Variants in DGKH observed in about 807,000 individuals in gnomAD.
The protein encoded by DGKH is DAG kinase eta.
Under a neutral mutation model 159.3 loss-of-function variants are expected in DGKH, and 90 were observed. That is an observed-to-expected ratio of 0.57 (90% CI 0.48 to 0.67). DGKH has a LOEUF of 0.67. DGKH is among the 30% of genes least tolerant of loss of function. DGKH has a pLI of 0.00. For synonymous variants in DGKH, 536 were observed against 553.8 expected (o/e 0.97, Z 0.45); for missense variants, 1,181 against 1,506.1 (o/e 0.78, Z 3.57).
intron 29 of DGKH, among the ~76,000 whole-genome samples, chr13:42,226,591 C>A (rs150197771): frequency 0.037 from 5,684 of 152,084 alleles, 322 homozygotes; most frequent in African/African-American, 0.13. Flanking sequence ...TGTGGTGGCT[C>A]AGGCCTGTAA....
At chr13:42,142,714 T>G (rs1211862380) in intron 3 of DGKH, among the ~76,000 whole-genome samples, 1 of 152,100 alleles carries the variant, frequency 6.6e-6, no homozygotes, top group Admixed American at 6.5e-5. Flanking sequence ...TATTGGTGTA[T>G]AAGAATGCTT....
chr13:42,172,259 G>T (rs182002610), intron 11 of DGKH, among the ~76,000 whole-genome samples: 116 of 151,006 alleles, frequency 7.7e-4, no homozygotes, highest in Non-Finnish European at 6.6e-4. Context: ...CTACAGGCGT[G>T]TGCCACCACA....
intron 13 of DGKH, among the ~76,000 whole-genome samples, chr13:42,183,445 T>G (rs1278305311): frequency 6.6e-6 from 1 of 152,186 alleles, no homozygotes; most frequent in African/African-American, 2.4e-5. Flanking sequence ...CAGACACACA[T>G]ACACACTTGT....
At chr13:42,174,761 G>A (rs973436846) in intron 12 of DGKH, among the ~76,000 whole-genome samples, 1 of 152,088 alleles carries the variant, frequency 6.6e-6, no homozygotes, top group Non-Finnish European at 1.5e-5. Flanking sequence ...GCTGGAATGC[G>A]ATGATGCAAA....
intron 29 of DGKH, among the ~76,000 whole-genome samples, chr13:42,226,836 G>A (rs1958145241): frequency 6.8e-6 from 1 of 146,898 alleles, no homozygotes; most frequent in Non-Finnish European, 1.5e-5. Context: ...CAGCCCAAGC[G>A]ACAGTATGAG....
upstream of DGKH, among the ~76,000 whole-genome samples, chr13:42,044,989 G>A (rs768351628): frequency 2.1e-4 from 32 of 152,188 alleles, 1 homozygote; most frequent in Non-Finnish European, 2.8e-4. Flanking sequence ...GGGGATGCTA[G>A]AGTACACTTA....
chr13:42,210,726 T>C lies in DGKH; in HGVS notation c.2975T>C (p.Met992Thr). The C allele has an allele frequency of 6.2e-7, 1 of 1,612,538 alleles. No homozygotes were observed. The highest frequency in any genetic ancestry group is 8.5e-7 in the Non-Finnish European group (1 of 1,179,958). ...IDLATEEVSQ[M>T]QLCSQAAEEL... Reference sequence around the variant, plus strand: ...TTGGCAACAGAAGAGGTGTCGCAGATGCAGCTATGCTCCCAGGCTGCAGAG... The same window carrying C: ...TTGGCAACAGAAGAGGTGTCGCAGACGCAGCTATGCTCCCAGGCTGCAGAG... The change falls in exon 24 of 30, where the codon ATG becomes ACG. Residue 992 changes from methionine (M) to threonine (T), a missense_variant. By Grantham distance (81) the Met-to-Thr change is moderately conservative. Coordinates refer to ENST00000337343, the MANE Select transcript of DGKH (RefSeq NM_178009.5).
At chr13:42,225,806 A>G (rs1958114155) in intron 29 of DGKH, among the ~76,000 whole-genome samples, 1 of 151,554 alleles carries the variant, frequency 6.6e-6, no homozygotes, top group Non-Finnish European at 1.5e-5. Flanking sequence ...AAAAATTAAT[A>G]TATAATGATA....
At chr13:42,228,676 A>G (rs1390486048) in intron 29 of DGKH, among the ~76,000 whole-genome samples, 2 of 57,066 alleles carry the variant, frequency 3.5e-5, no homozygotes, top group Non-Finnish European at 7.7e-5. Flanking sequence ...AGAGAAAGAA[A>G]GAGAAAAGAA....
At position 42,207,123 on chromosome 13, in the gene DGKH, C is replaced by CTCTT. The variant is rs1298746637; in HGVS notation, c.2601+979_2601+980insTTTC. Among the ~76,000 whole-genome samples the CTCTT allele has an allele frequency of 8.0e-4, 42 of 52,308 alleles. 3 individuals are homozygous for CTCTT. The highest frequency in any genetic ancestry group is 4.1e-3 in the East Asian group (11 of 2,682). The allele number at this position is 52,308 out of a possible 152,430, so 34.3% of individuals were successfully genotyped here. On this transcript the variant is annotated intron_variant, in intron 21 of 29. Coordinates refer to ENST00000337343, the MANE Select transcript of DGKH (RefSeq NM_178009.5). ...TTTCTTTCTTTCTTTCTCTTTCTCTCTCCTTCCTTCCTTCCTTCCTTCCTT... is the reference window on the plus strand; with the variant it reads ...TTTCTTTCTTTCTTTCTCTTTCTCTCTCTTTCCTTCCTTCCTTCCTTCCTTCCTT...
intron 11 of DGKH, among the ~76,000 whole-genome samples, chr13:42,170,680 C>T (rs1175236351): frequency 2.6e-5 from 4 of 152,038 alleles, no homozygotes; most frequent in Non-Finnish European, 4.4e-5. Context: ...CAGTGGCTCA[C>T]GCCTGTAATC....
intron 1 of DGKH, among the ~76,000 whole-genome samples, chr13:42,078,904 T>G (rs1954146940): frequency 6.7e-6 from 1 of 149,768 alleles, no homozygotes; most frequent in Admixed American, 6.6e-5. Context: ...AAGAGGTATA[T>G]TCTCCTTTTT....
At chr13:42,049,381 GGA>G (rs1881090691) in intron 1 of DGKH, among the ~76,000 whole-genome samples, 1 of 152,236 alleles carries the variant, frequency 6.6e-6, no homozygotes, top group African/African-American at 2.4e-5. Context: ...GAACTTAAAA[GGA>G]GAGTTTCAAT....
At chr13:42,070,992 A>G (rs1566085943) in intron 1 of DGKH, 3 of 1,326,466 alleles carry the variant, frequency 2.3e-6, no homozygotes, top group South Asian at 2.4e-5. Context: ...CAGCAGAAAA[A>G]AACAAGTAAT....
At chr13:42,207,211 A>G (rs1211530598) in intron 21 of DGKH, among the ~76,000 whole-genome samples, 1 of 128,804 alleles carries the variant, frequency 7.8e-6, no homozygotes, top group African/African-American at 3.0e-5. Flanking sequence ...CTTTTTTGAG[A>G]CAGAATCTTA....
chr13:42,082,770 A>G (rs1954224735), intron 1 of DGKH, among the ~76,000 whole-genome samples: 1 of 152,230 alleles, frequency 6.6e-6, no homozygotes, highest in Non-Finnish European at 1.5e-5. Context: ...TGTGGACATC[A>G]GTAATACTCT....
At chr13:42,114,509 G>C (rs1170172) in intron 1 of DGKH, among the ~76,000 whole-genome samples, 12 of 152,228 alleles carry the variant, frequency 7.9e-5, no homozygotes, top group Non-Finnish European at 1.2e-4. Context: ...CTCTGCTCTC[G>C]CTGAGCATGC....
intron 3 of DGKH, among the ~76,000 whole-genome samples, chr13:42,136,832 T>TTTC (rs1233859188): frequency 1.3e-5 from 2 of 152,220 alleles, no homozygotes; most frequent in African/African-American, 4.8e-5. Context: ...AAAGGGATTT[T>TTTC]AGTTCAGGGG....
intron 2 of DGKH, among the ~76,000 whole-genome samples, chr13:42,127,950 A>G (rs1170157): frequency 0.37 from 56,510 of 151,930 alleles, 10,950 homozygotes; most frequent in African/African-American, 0.45. Flanking sequence ...GAGAGCTGCT[A>G]TAGTTGCTAA....
Sources: gnomAD v4.1 joint callset for allele counts (sites outside exome capture counted in the v4.1 genomes callset) on GRCh38, gnomAD v4.1.1 for gene constraint, MANE v1.5 for transcripts, NCBI Gene and HGNC (gene_info 2026-07-23, HGNC 2026-07-21) for gene names.